The following FASTKD2 variants were observed in gnomAD, a reference collection of about 807,000 sequenced individuals.
FASTKD2 encodes the protein FAST kinase domains 2, also known as FAST kinase domain-containing protein 2, mitochondrial.
Under a neutral mutation model 63.6 loss-of-function variants are expected in FASTKD2, and 51 were observed. The observed-to-expected ratio is 0.80, with a 90% CI of 0.64 to 1.01. The LOEUF (loss-of-function observed/expected upper bound fraction) is 1.01. Ranked by LOEUF, FASTKD2 falls within the 50% of genes least tolerant of loss-of-function variation. FASTKD2 has a pLI of 0.00. For missense variants in FASTKD2, 786 were observed against 831.1 expected, an observed-to-expected ratio of 0.95 and a Z score of 0.67; for synonymous variants, 284 against 293.4, an observed-to-expected ratio of 0.97 and a Z score of 0.33.
chr2:206,782,647 C>G (rs1054223586), intron 7 of FASTKD2, among the ~76,000 whole-genome samples: 1 of 152,176 alleles, frequency 6.6e-6, no homozygotes, highest in African/African-American at 2.4e-5. Context: ...TATAAAATGT[C>G]ATTTGTTAAA....
At chr2:206,774,929 C>T (rs1689782648) in intron 7 of FASTKD2, among the ~76,000 whole-genome samples, 1 of 151,946 alleles carries the variant, frequency 6.6e-6, no homozygotes, top group African/African-American at 2.4e-5. Context: ...TCACCCCTGA[C>T]AATCAACATT....
chr2:206,771,732 T>C (rs1469075115), intron 4 of FASTKD2, among the ~76,000 whole-genome samples, 162 bp from the exon 5 acceptor site: 1 of 150,950 alleles, frequency 6.6e-6, no homozygotes, highest in Non-Finnish European at 1.5e-5. Flanking sequence ...TGCATGCCTG[T>C]AATCCCAGCT....
chr2:206,787,988 TTGA>T lies in FASTKD2; in HGVS notation c.1651_1653del (p.Asp551del), dbSNP rs751259751. 1.1e-5 allele frequency: 17 copies of T among 1,613,798 alleles called. No homozygotes were observed. The Admixed American group carries it at 1.8e-4, about 17-fold the overall frequency. On this transcript the variant is annotated inframe_deletion, in exon 9 of 12. Transcript: ENST00000402774. Reference sequence around the variant, plus strand: ...CATACTTTGGATACTTGTCTAAAACTTGATGATACTGTCTATCTGAGGGACATA... The same window carrying T: ...CATACTTTGGATACTTGTCTAAAACTTGATACTGTCTATCTGAGGGACATA...
chr2:206,774,360 T>G lies in FASTKD2; in HGVS notation c.1390T>G (p.Ser464Ala), dbSNP rs1403843573. 6.2e-7 allele frequency: 1 copy of G among 1,604,828 alleles called. No homozygotes were observed. Among genetic ancestry groups the G allele is most frequent in the African/African-American group, 1.3e-5 (1 of 74,846 alleles). The change falls in exon 7 of 12, where the codon TCT becomes GCT. Residue 464 changes from serine to alanine, a missense_variant. Transcript: ENST00000402774. ...CATTCTATCTATTCTTCATACTTAC[T>G]CTTCTCTCAATCATGTCTACAAATG... The part of the protein sequence containing the change: ...KNILSILHTY[S>A]SLNHVYKCQN...
intron 7 of FASTKD2, among the ~76,000 whole-genome samples, chr2:206,776,474 C>T (rs951535777): frequency 6.6e-6 from 1 of 151,962 alleles, no homozygotes; most frequent in Non-Finnish European, 1.5e-5. Context: ...GCTTCTCCTA[C>T]ACATTTTCTT....
At position 206,792,825 on chromosome 2, in the gene FASTKD2, G is replaced by A. The variant is rs1690324518; in HGVS notation, c.*1023G>A. The stretch of plus-strand genomic sequence containing the variant: ...TAGCTGCTATTATGATTCTCTCTGT[G>A]TCTTCACTTCCTCATCTCTAAAATC... On this transcript the variant is annotated 3_prime_UTR_variant, in exon 12 of 12. Transcript: ENST00000402774. Among the ~76,000 whole-genome samples, 2 of 152,268 alleles carry A rather than the reference G, an allele frequency of 1.3e-5. No homozygotes were observed. The highest frequency in any genetic ancestry group is 2.1e-4 in the South Asian group (1 of 4,822).
At chr2:206,789,407 A>G (rs1285229585) in intron 10 of FASTKD2, 1 of 156,916 alleles carries the variant, frequency 6.4e-6, no homozygotes, top group Non-Finnish European at 1.4e-5. Flanking sequence ...CTCACACATT[A>G]CAAATAGAGT....
chr2:206,771,892 A>C lies in FASTKD2; in HGVS notation c.991-2A>C. 2.5e-6 allele frequency: 4 copies of C among 1,595,524 alleles called. No homozygotes were observed. The highest frequency in any genetic ancestry group is 3.4e-6 in the Non-Finnish European group (4 of 1,163,288). On this transcript the variant is annotated splice_acceptor_variant, in intron 4 of 11. Coordinates refer to ENST00000402774, the MANE Select transcript of FASTKD2 (RefSeq NM_001136193.2). LOFTEE classifies it high-confidence loss of function. ...TTAAATTAAAATTTGTTTTTTCTTTAGATGAAAGCCTTGAGGGAATTAGAC... is the reference window on the plus strand; with the variant it reads ...TTAAATTAAAATTTGTTTTTTCTTTCGATGAAAGCCTTGAGGGAATTAGAC...
rs1432813851 is a variant in FASTKD2 at position 206,771,900 on chromosome 2, G to A, written c.997G>A (p.Ala333Thr). The change falls in exon 5 of 12, where the codon GCC becomes ACC. Residue 333 changes from alanine (A) to threonine (T), a missense_variant. Ala to Thr is a moderately conservative substitution (Grantham distance 58). Coordinates refer to ENST00000402774, the MANE Select transcript of FASTKD2 (RefSeq NM_001136193.2). ...IALKRKLEMK[A>T]LRELDRFSVL... Reference sequence around the variant, plus strand: ...AAATTTGTTTTTTCTTTAGATGAAAGCCTTGAGGGAATTAGACAGATTTTC... The same window carrying A: ...AAATTTGTTTTTTCTTTAGATGAAAACCTTGAGGGAATTAGACAGATTTTC... 1 of 1,601,822 alleles carries A rather than the reference G, an allele frequency of 6.2e-7. No individual in the cohort carries two copies. The highest frequency in any genetic ancestry group is 1.7e-5 in the Admixed American group (1 of 59,982).
intron 7 of FASTKD2, among the ~76,000 whole-genome samples, chr2:206,785,488 A>G (rs532194137): frequency 8.5e-5 from 13 of 152,228 alleles, no homozygotes; most frequent in African/African-American, 2.9e-4. Flanking sequence ...TATATGCAAG[A>G]CCTGGAGGAA....
chr2:206,792,620 G>A lies in FASTKD2; in HGVS notation c.*818G>A, dbSNP rs1363808905. On this transcript the variant is annotated 3_prime_UTR_variant, in exon 12 of 12. Coordinates refer to ENST00000402774, the MANE Select transcript of FASTKD2 (RefSeq NM_001136193.2). ...GTCTACCTAGTATTTGGCTCGCTGG[G>A]GATATAGTGATGAATAGGCATGGTC... is the stretch of plus-strand genomic sequence containing the variant. The A allele has an allele frequency of 6.6e-6, 1 of 152,128 alleles. No homozygotes were observed. The highest frequency in any genetic ancestry group is 2.4e-5 in the African/African-American group (1 of 41,412). 9.4% of individuals were successfully genotyped at this position (152,128 alleles called of 1,614,324 possible). A position where few individuals can be genotyped will look rare whatever the true frequency, so the allele number is the denominator to read the frequency against.
intron 7 of FASTKD2, among the ~76,000 whole-genome samples, chr2:206,774,969 T>C (rs968264616): frequency 8.5e-5 from 13 of 152,076 alleles, no homozygotes; most frequent in Non-Finnish European, 1.8e-4. Flanking sequence ...CTGACCTTTT[T>C]AGATACTTTA....
Position 206,794,115 on chromosome 2 carries a change from G to A in FASTKD2, c.*2313G>A, listed in dbSNP as rs1382425597. 6.7e-6 allele frequency among the ~76,000 whole-genome samples: 1 copy of A among 148,414 alleles called. No homozygotes were observed. On this transcript the variant is annotated 3_prime_UTR_variant, in exon 12 of 12. Coordinates refer to ENST00000402774, the MANE Select transcript of FASTKD2 (RefSeq NM_001136193.2). ...TAAAGTGTACCGTTAGGTCAGTTTT[G>A]ACGTACATACACACACACACACATC...
chr2:206,788,789 G>T, intron 9 of FASTKD2, 30 bp from the exon 10 acceptor site: 29 of 1,059,514 alleles, frequency 2.7e-5, no homozygotes, highest in African/African-American at 4.7e-5. Flanking sequence ...AGGAATGTTT[G>T]AAAAATTAAT....
chr2:206,790,254 C>T (rs1690247752), intron 10 of FASTKD2: 4 of 305,134 alleles, frequency 1.3e-5, no homozygotes, highest in South Asian at 1.0e-4. Flanking sequence ...ATACTCAGAT[C>T]AGAAATCAGC....
At position 206,788,816 on chromosome 2, in the gene FASTKD2, C is replaced by T. The variant is rs1690205991; in HGVS notation, c.1814-3C>T. On this transcript the variant is annotated splice_polypyrimidine_tract_variant and splice_region_variant and intron_variant, in intron 9 of 11. Coordinates refer to ENST00000402774, the MANE Select transcript of FASTKD2 (RefSeq NM_001136193.2). ...AAAATTAATATCAATTCTTTCCTTT[C>T]AGATTTTGAAATCAGAATGGACACT... is the stretch of plus-strand genomic sequence containing the variant. 3 of 1,455,990 alleles carry T rather than the reference C, an allele frequency of 2.1e-6. No individual in the cohort carries two copies. Among genetic ancestry groups the T allele is most frequent in the Non-Finnish European group, 2.9e-6 (3 of 1,037,650 alleles). The allele number at this position is 1,455,990 out of a possible 1,614,324, so 90.2% of individuals were successfully genotyped here. A position where few individuals can be genotyped will look rare whatever the true frequency, so the allele number is the denominator to read the frequency against.
At chr2:206,767,725 G>C (rs1689564746) in intron 2 of FASTKD2, among the ~76,000 whole-genome samples, 1 of 152,182 alleles carries the variant, frequency 6.6e-6, no homozygotes, top group Non-Finnish European at 1.5e-5. Flanking sequence ...AGAAGCTAAA[G>C]TGAGGAGAGA....
At position 206,770,207 on chromosome 2, in the gene FASTKD2, T is replaced by G. The variant is rs1417627325; in HGVS notation, c.881+13T>G. On this transcript the variant is annotated intron_variant, in intron 3 of 11. Transcript: ENST00000402774. ...GAACGGGATTCAGGTGAGAACTCTCTTATGCTTTCTTCATGTGGTTTTCTT... is the reference window on the plus strand; with the variant it reads ...GAACGGGATTCAGGTGAGAACTCTCGTATGCTTTCTTCATGTGGTTTTCTT... 6.9e-7 allele frequency: 1 copy of G among 1,456,524 alleles called. No homozygotes were observed. The highest frequency in any genetic ancestry group is 1.7e-5 in the Admixed American group (1 of 59,858). The allele number at this position is 1,456,524 out of a possible 1,614,324, so 90.2% of individuals were successfully genotyped here.
At position 206,793,941 on chromosome 2, in the gene FASTKD2, A is replaced by G. The variant is rs1298096498; in HGVS notation, c.*2139A>G. 6.6e-6 allele frequency among the ~76,000 whole-genome samples: 1 copy of G among 152,222 alleles called. No homozygotes were observed. Among genetic ancestry groups the G allele is most frequent in the East Asian group, 1.9e-4 (1 of 5,198 alleles). On this transcript the variant is annotated 3_prime_UTR_variant, in exon 12 of 12. Coordinates refer to ENST00000402774, the MANE Select transcript of FASTKD2 (RefSeq NM_001136193.2). ...TCTTTTAAGAATTACAGTGCTGATGAAGGTATAATGAGGCAAGCACTTGCA... is the reference window on the plus strand; with the variant it reads ...TCTTTTAAGAATTACAGTGCTGATGGAGGTATAATGAGGCAAGCACTTGCA...
Sources: allele counts gnomAD v4.1 joint callset (sites outside exome capture counted in the v4.1 genomes callset), GRCh38; gene constraint gnomAD v4.1.1; transcripts MANE v1.5; gene names NCBI Gene and HGNC (gene_info 2026-07-23, HGNC 2026-07-21).